Variants in ME3 observed in about 807,000 individuals in gnomAD.
ME3 encodes malic enzyme 3.
A neutral mutation model predicts 68.9 loss-of-function variants in ME3; 48 were observed. That is an observed-to-expected ratio of 0.70 (90% CI 0.55 to 0.89). ME3 has a LOEUF of 0.89. Among genes scored for constraint, ME3 ranks in the 40% least tolerant of loss-of-function variants. The probability of loss-of-function intolerance (pLI) is 0.00; values close to 1 mark genes in which losing one functional copy is unlikely to be tolerated. For missense variants in ME3, 675 were observed against 797.4 expected, an observed-to-expected ratio of 0.85 and a Z score of 1.85; for synonymous variants, 320 against 318.8, an observed-to-expected ratio of 1.00 and a Z score of -0.04.
chr11:86,553,659 A>G (rs1169362198), intron 4 of ME3, among the ~76,000 whole-genome samples: 1 of 152,216 alleles, frequency 6.6e-6, no homozygotes, highest in Non-Finnish European at 1.5e-5. Flanking sequence ...CTGAACCAAG[A>G]GTGTGAGGGA....
intron 3 of ME3, among the ~76,000 whole-genome samples, chr11:86,559,259 C>G (rs933138740): frequency 6.6e-6 from 1 of 151,982 alleles, no homozygotes; most frequent in African/African-American, 2.4e-5. Context: ...TCCCCCACCA[C>G]GTCCCCCTAA....
intron 7 of ME3, among the ~76,000 whole-genome samples, chr11:86,482,991 C>G (rs930973338): frequency 6.6e-6 from 1 of 152,160 alleles, no homozygotes; most frequent in African/African-American, 2.4e-5. Context: ...GCAAAAGAAA[C>G]AGATGTGTTC....
intron 2 of ME3, among the ~76,000 whole-genome samples, chr11:86,632,356 G>A (rs1370437111): frequency 2.6e-5 from 4 of 152,138 alleles, no homozygotes; most frequent in Admixed American, 6.5e-5. Context: ...ATGGCCAAGG[G>A]GGGTGGGGTA....
intron 4 of ME3, among the ~76,000 whole-genome samples, chr11:86,519,632 AATGGAACCACCATTCCAC>A (rs1391833568): frequency 6.6e-6 from 1 of 152,250 alleles, no homozygotes; most frequent in Admixed American, 6.5e-5. Context: ...CGCTGTTGCC[AATGGAACCACCATTCCAC>A]ATATTTTTTG....
At chr11:86,598,412 T>A (rs933718712) in intron 2 of ME3, among the ~76,000 whole-genome samples, 1 of 152,218 alleles carries the variant, frequency 6.6e-6, no homozygotes, top group Non-Finnish European at 1.5e-5. Flanking sequence ...CACCCGCCAT[T>A]GCCCAGACTC....
intron 2 of ME3, among the ~76,000 whole-genome samples, chr11:86,635,671 C>T (rs1015672008): frequency 6.6e-6 from 1 of 152,184 alleles, no homozygotes; most frequent in Non-Finnish European, 1.5e-5. Flanking sequence ...GTCTTGCAGG[C>T]TTGCTGTTGC....
chr11:86,490,466 A>T (rs972041091), intron 6 of ME3, among the ~76,000 whole-genome samples: 2 of 152,198 alleles, frequency 1.3e-5, no homozygotes, highest in African/African-American at 2.4e-5. Context: ...ATCAAAGGTC[A>T]CTTAGAAGCA....
At chr11:86,588,289 T>C (rs1426446082) in intron 2 of ME3, among the ~76,000 whole-genome samples, 2 of 152,236 alleles carry the variant, frequency 1.3e-5, no homozygotes, top group Non-Finnish European at 2.9e-5. Flanking sequence ...CCCCTTCTGT[T>C]CTTAAGTTCT....
Position 86,607,294 on chromosome 11 carries a change from G to A in ME3, c.184-47471C>T, listed in dbSNP as rs547223105. 7.9e-5 allele frequency among the ~76,000 whole-genome samples: 12 copies of A among 152,152 alleles called. No homozygotes were observed. The South Asian group carries it at 1.5e-3, about 18-fold the overall frequency. The stretch of plus-strand genomic sequence containing the variant: ...ACTGGGATATTTCAGACATACTGGC[G>A]GGGCTGAACTTTAACTCCTCTCATC... On this transcript the variant is annotated intron_variant, in intron 2 of 14. Transcript: ENST00000543262.
At chr11:86,657,744 T>A (rs781031989) in intron 2 of ME3, among the ~76,000 whole-genome samples, 3 of 152,140 alleles carry the variant, frequency 2.0e-5, no homozygotes, top group Non-Finnish European at 4.4e-5. Context: ...ATAATAACCA[T>A]CTTTATAATG....
exon 6 of ME3, chr11:86,498,025 A>T: frequency 6.2e-7 from 1 of 1,613,542 alleles, no homozygotes; most frequent in Non-Finnish European, 8.5e-7. Context: ...ACCCCTCCGC[A>T]TGCCGTGTAC....
intron 4 of ME3, among the ~76,000 whole-genome samples, chr11:86,527,179 T>C (rs918946722): frequency 6.6e-6 from 1 of 152,172 alleles, no homozygotes; most frequent in Admixed American, 6.5e-5. Context: ...AAGGACCTGA[T>C]GGAGCTGAAA....
At chr11:86,605,054 A>G (rs796983912) in intron 2 of ME3, among the ~76,000 whole-genome samples, 17 of 152,230 alleles carry the variant, frequency 1.1e-4, no homozygotes, top group African/African-American at 2.6e-4. Flanking sequence ...TTCTGTCTCT[A>G]TAGATTTCAC....
chr11:86,467,239 G>A (rs1460056639), intron 7 of ME3, among the ~76,000 whole-genome samples: 2 of 152,132 alleles, frequency 1.3e-5, no homozygotes, highest in Admixed American at 6.6e-5. Flanking sequence ...ACTAACTGAA[G>A]CCTGAGGGTA....
intron 2 of ME3, among the ~76,000 whole-genome samples, chr11:86,600,938 G>C (rs1477635394): frequency 6.6e-6 from 1 of 150,410 alleles, no homozygotes; most frequent in African/African-American, 2.4e-5. Flanking sequence ...GAATCTCTGG[G>C]ACACATTCAA....
intron 8 of ME3, 54 bp from the exon 9 acceptor site, chr11:86,450,452 GA>G: frequency 6.7e-7 from 1 of 1,484,670 alleles, no homozygotes; most frequent in Non-Finnish European, 9.4e-7. Flanking sequence ...CAGCTCCCAA[GA>G]GAAGACCCTT....
At chr11:86,667,009 A>C (rs1946627383) in intron 2 of ME3, among the ~76,000 whole-genome samples, 1 of 152,224 alleles carries the variant, frequency 6.6e-6, no homozygotes, top group Non-Finnish European at 1.5e-5. Context: ...TGAATACAGA[A>C]GGGATTCAGC....
chr11:86,628,388 TTCTG>T (rs1202695901), intron 2 of ME3, among the ~76,000 whole-genome samples: 2 of 152,218 alleles, frequency 1.3e-5, no homozygotes, highest in African/African-American at 4.8e-5. Context: ...AAGATGCTAT[TTCTG>T]TCTTTCCTAA....
intron 2 of ME3, among the ~76,000 whole-genome samples, chr11:86,560,748 G>GTATATATATATATATATA (rs142056305): frequency 4.3e-4 from 27 of 62,494 alleles, no homozygotes; most frequent in African/African-American, 1.1e-3. Context: ...GTGTGTGTGT[G>GTATATATATATATATATA]TATATATATA....
Sources: gnomAD v4.1 joint callset for allele counts (sites outside exome capture counted in the v4.1 genomes callset) on GRCh38, gnomAD v4.1.1 for gene constraint, MANE v1.5 for transcripts, NCBI Gene and HGNC (gene_info 2026-07-23, HGNC 2026-07-21) for gene names.